The following ANKS1B variants were observed in gnomAD, a reference collection of about 807,000 sequenced individuals.
ANKS1B encodes ankyrin repeat and sterile alpha motif domain containing 1B.
Under a neutral mutation model 148.3 loss-of-function variants are expected in ANKS1B, and 36 were observed. The observed-to-expected ratio is 0.24, with a 90% confidence interval of 0.19 to 0.32. The LOEUF (loss-of-function observed/expected upper bound fraction) is 0.32, where lower values mean the gene tolerates loss of function less well. Among genes scored for constraint, ANKS1B ranks in the 10% least tolerant of loss-of-function variants. The probability of loss-of-function intolerance (pLI) is 1.00; values close to 1 mark genes in which losing one functional copy is unlikely to be tolerated. For synonymous variants in ANKS1B, 542 were observed against 560.8 expected, an observed-to-expected ratio of 0.97 and a Z score of 0.47; for missense variants, 1,157 against 1,542.6, an observed-to-expected ratio of 0.75 and a Z score of 4.19.
intron 12 of ANKS1B, among the ~76,000 whole-genome samples, chr12:99,280,896 CACAT>C (rs2078344877): frequency 6.6e-6 from 1 of 151,746 alleles, no homozygotes; most frequent in Admixed American, 6.6e-5. Flanking sequence ...CACACACACA[CACAT>C]GCACGTACAC....
At chr12:98,885,892 G>A (rs1398309614) in intron 17 of ANKS1B, among the ~76,000 whole-genome samples, 5 of 152,112 alleles carry the variant, frequency 3.3e-5, no homozygotes, top group Admixed American at 1.3e-4. Flanking sequence ...CCAAGAAGGT[G>A]GGAAGAAATT....
chr12:99,783,934 A>G (rs2064675049), intron 4 of ANKS1B, among the ~76,000 whole-genome samples: 1 of 152,194 alleles, frequency 6.6e-6, no homozygotes, highest in Non-Finnish European at 1.5e-5. Context: ...TATGCTAATT[A>G]CCCTATCATT....
intron 11 of ANKS1B, among the ~76,000 whole-genome samples, chr12:99,435,584 T>C (rs745830354): frequency 1.3e-5 from 2 of 152,018 alleles, no homozygotes; most frequent in Admixed American, 6.6e-5. Context: ...CACAGCACCA[T>C]GGCACCTTTT....
intron 17 of ANKS1B, among the ~76,000 whole-genome samples, chr12:98,846,005 CAT>C (rs1262664878): frequency 7.4e-5 from 11 of 149,536 alleles, no homozygotes; most frequent in African/African-American, 2.7e-4. Flanking sequence ...CACACACACA[CAT>C]ATATGTACAC....
At chr12:99,685,527 CT>C (rs1273200745) in intron 8 of ANKS1B, among the ~76,000 whole-genome samples, 1 of 152,068 alleles carries the variant, frequency 6.6e-6, no homozygotes, top group East Asian at 1.9e-4. Context: ...GTGGAAAGTC[CT>C]TAAAGAACTA....
At chr12:99,961,563 T>C (rs2095412671) in intron 1 of ANKS1B, among the ~76,000 whole-genome samples, 1 of 152,144 alleles carries the variant, frequency 6.6e-6, no homozygotes, top group Admixed American at 6.5e-5. Flanking sequence ...GTTCAACATT[T>C]CCTTGATTCT....
intron 16 of ANKS1B, among the ~76,000 whole-genome samples, chr12:99,076,627 A>G (rs1313836152): frequency 6.6e-6 from 1 of 152,062 alleles, no homozygotes; most frequent in East Asian, 1.9e-4. Flanking sequence ...AATTATACAC[A>G]TTTCTCTGGG....
chr12:99,130,101 C>T (rs868084754), intron 15 of ANKS1B, among the ~76,000 whole-genome samples: 2 of 152,060 alleles, frequency 1.3e-5, no homozygotes, highest in African/African-American at 2.4e-5. Flanking sequence ...TTTACCAATG[C>T]TATTTTATGA....
At chr12:99,649,525 G>A (rs1474002908) in intron 9 of ANKS1B, 2 of 703,858 alleles carry the variant, frequency 2.8e-6, no homozygotes, top group Admixed American at 5.1e-5. Flanking sequence ...CACCACCACA[G>A]GTACCATGGA....
At position 99,390,047 on chromosome 12, in the gene ANKS1B, CG is replaced by C. The variant is rs138551560; in HGVS notation, c.1756+9583del. The stretch of plus-strand genomic sequence containing the variant: ...GGTGCCTGGCTGGACTCATAGCACC[CG>C]GGTGCTCTGCAATTTGTACAGAATT... On this transcript the variant is annotated intron_variant, in intron 12 of 26. Transcript: ENST00000683438. 6.8e-3 allele frequency among the ~76,000 whole-genome samples: 1,034 copies of C among 152,236 alleles called. 17 individuals are homozygous for C. Among genetic ancestry groups the C allele is most frequent in the African/African-American group, 0.024 (989 of 41,556 alleles).
intron 14 of ANKS1B, among the ~76,000 whole-genome samples, chr12:99,191,873 C>T (rs569864503): frequency 1.3e-5 from 2 of 152,044 alleles, no homozygotes; most frequent in Non-Finnish European, 2.9e-5. Context: ...GTGGCTCATG[C>T]CTGTAATCCC....
At chr12:99,500,037 A>G (rs907377531) in intron 10 of ANKS1B, among the ~76,000 whole-genome samples, 2 of 152,168 alleles carry the variant, frequency 1.3e-5, no homozygotes, top group African/African-American at 4.8e-5. Flanking sequence ...AAAGGTGTTG[A>G]TGAAAGCTTA....
At chr12:98,802,726 C>G (rs2099015985) in intron 20 of ANKS1B, among the ~76,000 whole-genome samples, 1 of 145,490 alleles carries the variant, frequency 6.9e-6, no homozygotes, top group Admixed American at 7.2e-5. Context: ...TGGCTTCTCA[C>G]TGTAGTTAGT....
intron 1 of ANKS1B, among the ~76,000 whole-genome samples, chr12:99,896,754 C>T (rs2093402598): frequency 6.6e-6 from 1 of 151,134 alleles, no homozygotes; most frequent in Admixed American, 6.6e-5. Context: ...TCCAAACAAG[C>T]AGCTTTTAAA....
At chr12:99,185,775 T>C (rs2712639) in intron 14 of ANKS1B, among the ~76,000 whole-genome samples, 127,923 of 152,246 alleles carry the variant, frequency 0.84, 54,212 homozygotes, top group East Asian at 0.99. Flanking sequence ...CCAGTGCCTA[T>C]GCCACAAGGG....
At chr12:99,513,860 T>G (rs1384535727) in intron 9 of ANKS1B, among the ~76,000 whole-genome samples, 5 of 152,054 alleles carry the variant, frequency 3.3e-5, no homozygotes, top group African/African-American at 1.2e-4. Context: ...CAAAACTAGC[T>G]TGAAGCTTCT....
intron 9 of ANKS1B, among the ~76,000 whole-genome samples, chr12:99,619,460 T>G (rs2153368781): frequency 6.6e-6 from 1 of 152,158 alleles, no homozygotes; most frequent in South Asian, 2.1e-4. Context: ...GGAGGCTCTC[T>G]CTGCTTCACA....
At chr12:98,965,677 A>G (rs2099877196) in intron 17 of ANKS1B, among the ~76,000 whole-genome samples, 1 of 152,234 alleles carries the variant, frequency 6.6e-6, no homozygotes, top group Non-Finnish European at 1.5e-5. Context: ...CCAAAACAGC[A>G]TGGTGCTGGT....
intron 19 of ANKS1B, among the ~76,000 whole-genome samples, chr12:98,823,008 A>G (rs2099211725): frequency 6.6e-6 from 1 of 152,236 alleles, no homozygotes; most frequent in Non-Finnish European, 1.5e-5. Context: ...AGCAGGGTGT[A>G]TTTGCTAAAA....
Sources: gnomAD v4.1 joint callset for allele counts (sites outside exome capture counted in the v4.1 genomes callset) on GRCh38, gnomAD v4.1.1 for gene constraint, MANE v1.5 for transcripts, NCBI Gene and HGNC (gene_info 2026-07-23, HGNC 2026-07-21) for gene names.